The following CSMD3 variants were observed in gnomAD, a reference collection of about 807,000 sequenced individuals.
CSMD3 encodes CUB and sushi domain-containing protein 3.
In CSMD3, 177 loss-of-function variants were observed where a neutral mutation model predicts 435.2. That is an observed-to-expected ratio of 0.41 (90% CI 0.36 to 0.46). The LOEUF is 0.46. CSMD3 is among the 20% of genes least tolerant of loss of function. The pLI is 0.34. For missense variants in CSMD3, 4,265 were observed against 4,504.6 expected, an observed-to-expected ratio of 0.95 and a Z score of 1.52; for synonymous variants, 1,656 against 1,520.5, an observed-to-expected ratio of 1.09 and a Z score of -2.07.
chr8:112,914,817 A>T (rs1325863258), intron 10 of CSMD3, among the ~76,000 whole-genome samples: 1 of 151,852 alleles, frequency 6.6e-6, no homozygotes, highest in Non-Finnish European at 1.5e-5. Context: ...TTACAGTGTG[A>T]TCACTTTTAT....
At chr8:113,041,345 A>T (rs1176080886) in intron 5 of CSMD3, among the ~76,000 whole-genome samples, 1 of 152,060 alleles carries the variant, frequency 6.6e-6, no homozygotes, top group Non-Finnish European at 1.5e-5. Context: ...GAATAAAAAT[A>T]GGAAGAGAAA....
chr8:113,334,924 C>G (rs1026428722), intron 1 of CSMD3, among the ~76,000 whole-genome samples: 3 of 151,904 alleles, frequency 2.0e-5, no homozygotes, highest in Non-Finnish European at 2.9e-5. Context: ...CCTTTTAGTC[C>G]TAATATTGGC....
Position 113,098,231 on chromosome 8 carries a change from C to T in CSMD3, c.917+525G>A, listed in dbSNP as rs748163085. Among the ~76,000 whole-genome samples the T allele has an allele frequency of 6.3e-4, 96 of 152,064 alleles. 1 individual carries two copies. The highest frequency in any genetic ancestry group is 8.5e-4 in the Non-Finnish European group (58 of 67,924). ...CTCAGTTACTGAATCATAATCTACT[C>T]AATGATATAATTAGATACAAATTTT... is the stretch of plus-strand genomic sequence containing the variant. On this transcript the variant is annotated intron_variant, in intron 5 of 70. Transcript: ENST00000297405.
intron 1 of CSMD3, among the ~76,000 whole-genome samples, chr8:113,422,367 T>C (rs2094612902): frequency 6.6e-6 from 1 of 152,198 alleles, no homozygotes; most frequent in Non-Finnish European, 1.5e-5. Flanking sequence ...ATCTGCCGCT[T>C]TTATCTCAAC....
intron 3 of CSMD3, among the ~76,000 whole-genome samples, chr8:113,217,230 C>CT (rs938804821): frequency 7.3e-5 from 11 of 150,702 alleles, no homozygotes; most frequent in African/African-American, 1.7e-4. Flanking sequence ...ACTCAAAAAT[C>CT]TTTTTTTTTA....
intron 5 of CSMD3, among the ~76,000 whole-genome samples, chr8:113,030,306 G>C (rs369453696): frequency 6.7e-6 from 1 of 149,224 alleles, no homozygotes; most frequent in African/African-American, 2.4e-5. Flanking sequence ...GCAAAAAAGA[G>C]CTGGTTTAGC....
intron 1 of CSMD3, among the ~76,000 whole-genome samples, chr8:113,412,783 C>T (rs78849567): frequency 1.4e-3 from 208 of 151,402 alleles, no homozygotes; most frequent in African/African-American, 4.7e-3. Context: ...TAATCCTTAC[C>T]CCAATCTAGA....
At chr8:112,554,539 A>G (rs1353823773) in intron 25 of CSMD3, among the ~76,000 whole-genome samples, 2 of 151,902 alleles carry the variant, frequency 1.3e-5, no homozygotes, top group Non-Finnish European at 2.9e-5. Flanking sequence ...GTTGATACTT[A>G]TTCTTCTTGA....
chr8:112,322,507 C>T (rs917234010), intron 45 of CSMD3, among the ~76,000 whole-genome samples: 1 of 152,054 alleles, frequency 6.6e-6, no homozygotes, highest in East Asian at 1.9e-4. Flanking sequence ...ACTTCCAACT[C>T]TACTTCAATA....
intron 1 of CSMD3, among the ~76,000 whole-genome samples, chr8:113,378,381 C>A (rs1037178685): frequency 6.6e-6 from 1 of 152,016 alleles, no homozygotes; most frequent in African/African-American, 2.4e-5. Flanking sequence ...AACTGACATT[C>A]CTTGTTTAGA....
chr8:113,040,869 T>C lies in CSMD3; in HGVS notation c.918-21690A>G, dbSNP rs113707324. 5.9e-3 allele frequency among the ~76,000 whole-genome samples: 893 copies of C among 152,122 alleles called. 8 individuals are homozygous for C. Among genetic ancestry groups the C allele is most frequent in the Non-Finnish European group, 6.3e-3 (426 of 67,984 alleles). ...ACCAATAACTTGCTCCGCTTCTGGATTCCCCCCACACACCAAGGTTTACTC... is the reference window on the plus strand; with the variant it reads ...ACCAATAACTTGCTCCGCTTCTGGACTCCCCCCACACACCAAGGTTTACTC... On this transcript the variant is annotated intron_variant, in intron 5 of 70. Transcript: ENST00000297405.
At chr8:113,354,039 T>C (rs372360674) in intron 1 of CSMD3, among the ~76,000 whole-genome samples, 5 of 152,306 alleles carry the variant, frequency 3.3e-5, no homozygotes, top group African/African-American at 1.2e-4. Flanking sequence ...TACAAAGTTA[T>C]AAATATGCAT....
At chr8:112,855,316 G>A (rs976267872) in intron 11 of CSMD3, among the ~76,000 whole-genome samples, 1 of 152,046 alleles carries the variant, frequency 6.6e-6, no homozygotes, top group Non-Finnish European at 1.5e-5. Flanking sequence ...AAAACTCTTA[G>A]TGTGAATAGC....
chr8:113,427,757 C>T (rs1315251311), intron 1 of CSMD3, among the ~76,000 whole-genome samples: 1 of 151,594 alleles, frequency 6.6e-6, no homozygotes, highest in Non-Finnish European at 1.5e-5. Context: ...ATGCACATTT[C>T]CTGCCTAGTA....
intron 40 of CSMD3, among the ~76,000 whole-genome samples, chr8:112,349,209 G>A (rs72674724): frequency 0.19 from 28,364 of 151,832 alleles, 3,127 homozygotes; most frequent in Middle Eastern, 0.34. Context: ...AACTTTTAAC[G>A]AAAAAGAAGT....
intron 3 of CSMD3, among the ~76,000 whole-genome samples, chr8:113,259,449 ATTT>A (rs1480439570): frequency 6.6e-6 from 1 of 152,106 alleles, no homozygotes; most frequent in Non-Finnish European, 1.5e-5. Flanking sequence ...AACAATAAGA[ATTT>A]ATTTTGAATG....
chr8:113,110,499 C>A (rs760306300), intron 4 of CSMD3, among the ~76,000 whole-genome samples: 2 of 152,146 alleles, frequency 1.3e-5, no homozygotes, highest in Non-Finnish European at 2.9e-5. Context: ...CACCTTTTCT[C>A]TAGTTTCTAA....
At chr8:113,412,991 T>C (rs1299577567) in intron 1 of CSMD3, among the ~76,000 whole-genome samples, 1 of 152,044 alleles carries the variant, frequency 6.6e-6, no homozygotes, top group Non-Finnish European at 1.5e-5. Flanking sequence ...TATATATAAT[T>C]AACAGGACAT....
chr8:113,327,384 AT>A (rs2093991050), intron 1 of CSMD3, among the ~76,000 whole-genome samples: 1 of 152,154 alleles, frequency 6.6e-6, no homozygotes, highest in Admixed American at 6.5e-5. Context: ...GTCAAAATCT[AT>A]TTTTTCCAGA....
Sources: gnomAD v4.1 joint callset for allele counts (sites outside exome capture counted in the v4.1 genomes callset) on GRCh38, gnomAD v4.1.1 for gene constraint, MANE v1.5 for transcripts, NCBI Gene and HGNC (gene_info 2026-07-23, HGNC 2026-07-21) for gene names.